Variants in ASTN2 observed in about 807,000 individuals in gnomAD.
ASTN2 encodes astrotactin-2.
Under a neutral mutation model 139.8 loss-of-function variants are expected in ASTN2, and 54 were observed. The observed-to-expected ratio is 0.39, with a 90% CI of 0.31 to 0.48. The LOEUF (loss-of-function observed/expected upper bound fraction) is 0.48. ASTN2 is among the 20% of genes least tolerant of loss of function. The pLI is 0.95. For missense variants in ASTN2, 1,565 were observed against 1,725.1 expected (o/e 0.91, Z 1.64); for synonymous variants, 756 against 719.5 (o/e 1.05, Z -0.81).
In ASTN2 at chr9:116,975,271, G is replaced by A; in HGVS notation, c.1826C>T (p.Ser609Phe). ...KSFVVPPVEL[S>F]INPLASCKTD... is the part of the protein sequence containing the mutation. ...CTTGCAGCTGGCCAGGGGGTTGATG[G>A]ACAGCTCCACAGGCGGAACCACAAA... Residue 609 changes from serine (S) to phenylalanine (F), a missense_variant, in exon 10 of 23, where the codon TCC (serine) becomes TTC (phenylalanine). Transcript: ENST00000313400. 3 of 1,613,500 alleles carry A rather than the reference G, an allele frequency of 1.9e-6. No individual in the cohort carries two copies. The highest frequency in any genetic ancestry group is 2.5e-6 in the Non-Finnish European group (3 of 1,179,714).
At chr9:117,006,774 T>TC (rs1185855730) in intron 7 of ASTN2, among the ~76,000 whole-genome samples, 1 of 151,968 alleles carries the variant, frequency 6.6e-6, no homozygotes, top group Non-Finnish European at 1.5e-5. Context: ...CTTCTCCTAC[T>TC]CCCCCTCTTT....
In ASTN2 at chr9:116,820,689, T is replaced by C. The variant is rs1301609701; in HGVS notation, c.2135A>G (p.Glu712Gly). The change falls in exon 12 of 23, where the codon GAG (glutamate) becomes GGG (glycine). Residue 712 changes from glutamate (E) to glycine (G), a missense_variant. Physicochemically the swap from Glu to Gly is moderately conservative, Grantham distance 98. Transcript: ENST00000313400. ...CAGCGTCTGCTGCAGGCACAGCTGC[T>C]CACAGCCGCCATTAAAGCCATCAGA... ...DCSDGFNGGC[E>G]QLCLQQTLPL... 1.2e-6 allele frequency: 2 copies of C among 1,614,190 alleles called. No individual in the cohort carries two copies. Among genetic ancestry groups the C allele is most frequent in the South Asian group, 2.2e-5 (2 of 91,088 alleles).
At chr9:116,452,594 C>T (rs2118926927) in intron 20 of ASTN2, among the ~76,000 whole-genome samples, 1 of 152,298 alleles carries the variant, frequency 6.6e-6, no homozygotes. Context: ...TTTACAACTG[C>T]CTAAGGGATG....
chr9:116,457,026 A>T lies in ASTN2; in HGVS notation c.3498-14473T>A, dbSNP rs12004831. On this transcript the variant is annotated intron_variant, in intron 20 of 22. Transcript: ENST00000313400. The stretch of plus-strand genomic sequence containing the variant: ...GACACATATATCAACAGAATAGAAT[A>T]CAGAACTCAGAAATAAATCCACACA... Among the ~76,000 whole-genome samples, 754 of 152,278 alleles carry T rather than the reference A, an allele frequency of 5.0e-3. 8 individuals carry two copies. The highest frequency in any genetic ancestry group is 0.017 in the African/African-American group (703 of 41,578).
At chr9:116,858,701 C>T (rs1832803419) in intron 11 of ASTN2, among the ~76,000 whole-genome samples, 1 of 152,164 alleles carries the variant, frequency 6.6e-6, no homozygotes, top group South Asian at 2.1e-4. Flanking sequence ...CACAGGCTCC[C>T]TCTCTTTTCT....
intron 10 of ASTN2, among the ~76,000 whole-genome samples, chr9:116,907,624 C>T (rs760776570): frequency 3.9e-5 from 6 of 152,218 alleles, no homozygotes; most frequent in South Asian, 2.1e-4. Context: ...AGATGGATGG[C>T]GGGTAATATC....
chr9:117,136,661 T>G (rs1039982108), intron 4 of ASTN2, among the ~76,000 whole-genome samples: 2 of 152,190 alleles, frequency 1.3e-5, no homozygotes, highest in African/African-American at 4.8e-5. Context: ...CCAACGCTGC[T>G]GCAGGAATCT....
At chr9:116,872,785 T>C (rs1434971792) in intron 10 of ASTN2, among the ~76,000 whole-genome samples, 1 of 152,068 alleles carries the variant, frequency 6.6e-6, no homozygotes, top group East Asian at 1.9e-4. Flanking sequence ...GGAAAGAATA[T>C]GCTAAGGCCT....
chr9:117,350,110 A>G (rs1829342295), intron 1 of ASTN2, among the ~76,000 whole-genome samples: 1 of 152,232 alleles, frequency 6.6e-6, no homozygotes, highest in South Asian at 2.1e-4. Context: ...GGTAAGTGGT[A>G]TATAGAAAGT....
intron 6 of ASTN2, among the ~76,000 whole-genome samples, chr9:117,021,025 A>C (rs1210436746): frequency 6.6e-6 from 1 of 152,084 alleles, no homozygotes; most frequent in African/African-American, 2.4e-5. Context: ...GTCCCACCTC[A>C]GCCTCCTTAG....
intron 1 of ASTN2, among the ~76,000 whole-genome samples, chr9:117,381,532 G>A (rs937283320): frequency 1.3e-5 from 2 of 151,988 alleles, no homozygotes; most frequent in Admixed American, 6.6e-5. Flanking sequence ...AAAAGTGTGT[G>A]GCACCTCCCC....
At chr9:117,331,182 G>A (rs1185751814) in intron 1 of ASTN2, among the ~76,000 whole-genome samples, 1 of 152,188 alleles carries the variant, frequency 6.6e-6, no homozygotes, top group Non-Finnish European at 1.5e-5. Flanking sequence ...CTGTAAGTTG[G>A]AGGCAGAGTC....
chr9:117,276,886 G>A (rs1443294962), intron 2 of ASTN2: 1 of 152,214 alleles, frequency 6.6e-6, no homozygotes, highest in Non-Finnish European at 1.5e-5. Context: ...AGATATCAAT[G>A]CTTGCCAGGT....
chr9:116,454,941 G>C (rs964543894), intron 20 of ASTN2, among the ~76,000 whole-genome samples: 12 of 151,968 alleles, frequency 7.9e-5, no homozygotes, highest in Middle Eastern at 3.2e-3. Flanking sequence ...TAATGCAAAT[G>C]AAAAGTTAAT....
intron 2 of ASTN2, among the ~76,000 whole-genome samples, chr9:117,270,042 G>A (rs1834027795): frequency 6.6e-6 from 1 of 152,088 alleles, no homozygotes; most frequent in African/African-American, 2.4e-5. Context: ...AGAGGTAATA[G>A]GAAATTTGGG....
intron 16 of ASTN2, among the ~76,000 whole-genome samples, chr9:116,715,240 C>T (rs118103165): frequency 2.5e-4 from 38 of 152,276 alleles, no homozygotes; most frequent in East Asian, 9.7e-4. Context: ...TGACAGTTCT[C>T]AGCTGTGGAC....
intron 19 of ASTN2, among the ~76,000 whole-genome samples, chr9:116,565,410 TATATATATATATATATA>T (rs1564120494): frequency 8.0e-6 from 1 of 124,246 alleles, no homozygotes; most frequent in East Asian, 2.2e-4. Context: ...TATATATATA[TATATATATATATATATA>T]TATTTATTTA....
At position 117,034,371 on chromosome 9, in the gene ASTN2, T is replaced by C. The variant is rs534934382; in HGVS notation, c.1423+5448A>G. On this transcript the variant is annotated intron_variant, in intron 6 of 22. Transcript: ENST00000313400. The stretch of plus-strand genomic sequence containing the variant: ...AACCTGTGTGATCAGGGTTAGTATG[T>C]TATAAACCTTAAGAATAGACCACTC... Among the ~76,000 whole-genome samples the C allele has an allele frequency of 2.7e-4, 41 of 152,296 alleles. No homozygotes were observed. The South Asian group carries it at 8.1e-3, about 30-fold the overall frequency.
chr9:116,784,974 T>C (rs1830329345), intron 13 of ASTN2, among the ~76,000 whole-genome samples: 1 of 151,810 alleles, frequency 6.6e-6, no homozygotes, highest in South Asian at 2.1e-4. Flanking sequence ...AAATGGATAT[T>C]TGAATATGGA....
Sources: allele counts gnomAD v4.1 joint callset (sites outside exome capture counted in the v4.1 genomes callset), GRCh38; gene constraint gnomAD v4.1.1; transcripts MANE v1.5; gene names NCBI Gene and HGNC (gene_info 2026-07-23, HGNC 2026-07-21).